Variants in EML5 observed in about 807,000 individuals in gnomAD.
EML5 encodes echinoderm microtubule-associated protein-like 5.
Under a neutral mutation model 250.0 loss-of-function variants are expected in EML5, and 120 were observed. The observed-to-expected ratio is 0.48, with a 90% CI of 0.41 to 0.56. The LOEUF is 0.56. Among genes scored for constraint, EML5 ranks in the 20% least tolerant of loss-of-function variants. The pLI is 0.00. For missense variants in EML5, 2,006 were observed against 2,437.6 expected (o/e 0.82, Z 3.73); for synonymous variants, 771 against 806.5 (o/e 0.96, Z 0.75).
At chr14:88,728,018 C>T (rs941404696) in intron 7 of EML5, among the ~76,000 whole-genome samples, 1 of 152,146 alleles carries the variant, frequency 6.6e-6, no homozygotes, top group Non-Finnish European at 1.5e-5. Flanking sequence ...TATAAAACTG[C>T]TTAAAATCAA....
chr14:88,665,520 T>A, intron 21 of EML5, 31 bp from the exon 22 acceptor site: 1 of 1,612,744 alleles, frequency 6.2e-7, no homozygotes, highest in Non-Finnish European at 8.5e-7. Context: ...TAGGCAATTT[T>A]CCCTTTTTTC....
At chr14:88,690,478 C>T (rs965651276) in intron 17 of EML5, among the ~76,000 whole-genome samples, 1 of 152,142 alleles carries the variant, frequency 6.6e-6, no homozygotes, top group Non-Finnish European at 1.5e-5. Flanking sequence ...ACTGTCTTTT[C>T]TCAACATAGA....
intron 8 of EML5, among the ~76,000 whole-genome samples, chr14:88,720,749 T>G (rs2093577176): frequency 6.6e-6 from 1 of 152,112 alleles, no homozygotes; most frequent in African/African-American, 2.4e-5. Flanking sequence ...CCACTCCTAT[T>G]TAACACAGTA....
chr14:88,661,544 CATTACAT>C (rs2092101642), intron 25 of EML5, 103 bp downstream of exon 25: 1 of 945,604 alleles, frequency 1.1e-6, no homozygotes, highest in African/African-American at 1.7e-5. Flanking sequence ...CATATTACAA[CATTACAT>C]ATTACATATG....
At chr14:88,745,545 G>A (rs1002669958) in intron 3 of EML5, among the ~76,000 whole-genome samples, 1 of 152,032 alleles carries the variant, frequency 6.6e-6, no homozygotes, top group Non-Finnish European at 1.5e-5. Flanking sequence ...ATAGTAATAC[G>A]TAATTTTAAA....
rs58701181 is a variant in EML5 at position 88,716,732 on chromosome 14, A to AACACAC, written c.1188-1543_1188-1538dup. On this transcript the variant is annotated intron_variant, in intron 8 of 43. Transcript: ENST00000554922. ...TCTGTTAACATGTCCACTGCTCACC[A>AACACAC]ACACACACACACACACACACACACA... 2.5e-3 allele frequency among the ~76,000 whole-genome samples: 371 copies of AACACAC among 148,186 alleles called. 2 individuals are homozygous for AACACAC. Among genetic ancestry groups the AACACAC allele is most frequent in the African/African-American group, 5.8e-3 (236 of 40,368 alleles).
intron 8 of EML5, among the ~76,000 whole-genome samples, chr14:88,720,931 C>T (rs990991608): frequency 1.3e-5 from 2 of 152,082 alleles, no homozygotes; most frequent in Non-Finnish European, 2.9e-5. Flanking sequence ...AGCAAAGTCT[C>T]GGGATATAAA....
intron 1 of EML5, among the ~76,000 whole-genome samples, chr14:88,779,280 G>A (rs1002919198): frequency 7.9e-5 from 12 of 152,102 alleles, no homozygotes; most frequent in Admixed American, 2.6e-4. Flanking sequence ...AAGAAAAAGC[G>A]AAACTATGAG....
chr14:88,702,555 C>A lies in EML5; in HGVS notation c.2129G>T (p.Gly710Val). ...GEIVYHVAAV[G>V]VIYNRQQNTQ... is the part of the protein sequence containing the mutation. ...GTTTTGCTGTCGATTATAAATGACACCCACTGCTGCCACATGGTACACAAT... is the reference window on the plus strand; with the variant it reads ...GTTTTGCTGTCGATTATAAATGACAACCACTGCTGCCACATGGTACACAAT... The change falls in exon 14 of 44, where the codon GGT becomes GTT. Residue 710 changes from glycine to valine, a missense_variant. Gly to Val is a moderately radical substitution (Grantham distance 109). This residue lies in a region of EML5 where 1,375 missense variants were observed against 1,590.3 expected (regional missense o/e 0.86). Coordinates refer to ENST00000554922, the MANE Select transcript of EML5 (RefSeq NM_183387.3). The A allele has an allele frequency of 6.2e-7, 1 of 1,612,910 alleles. No individual in the cohort carries two copies. Among genetic ancestry groups the A allele is most frequent in the Non-Finnish European group, 8.5e-7 (1 of 1,179,358 alleles).
At chr14:88,779,366 C>T (rs1433022181) in intron 1 of EML5, among the ~76,000 whole-genome samples, 1 of 152,158 alleles carries the variant, frequency 6.6e-6, no homozygotes, top group Non-Finnish European at 1.5e-5. Context: ...CAGATCCTGC[C>T]TTCTGCCACT....
intron 4 of EML5, among the ~76,000 whole-genome samples, chr14:88,741,032 G>A (rs2093917366): frequency 2.0e-5 from 3 of 151,904 alleles, no homozygotes; most frequent in South Asian, 2.1e-4. Context: ...GTATGGTGGC[G>A]CATGCCTGTA....
At position 88,615,743 on chromosome 14, in the gene EML5, G is replaced by T. The variant is rs2087494884; in HGVS notation, c.*75C>A. 3.5e-6 allele frequency: 5 copies of T among 1,425,138 alleles called. No homozygotes were observed. The East Asian group carries it at 1.2e-4, about 34-fold the overall frequency. 88.3% of individuals were successfully genotyped at this position (1,425,138 alleles called of 1,614,324 possible). On this transcript the variant is annotated 3_prime_UTR_variant, in exon 44 of 44. Transcript: ENST00000554922. ...TCTTGGGTTAGCACCACTTGACCATGCAGGGTTGGGTTTTGGTTTTTCTTC... is the reference window on the plus strand; with the variant it reads ...TCTTGGGTTAGCACCACTTGACCATTCAGGGTTGGGTTTTGGTTTTTCTTC...
At chr14:88,724,685 T>A (rs1366376393) in intron 8 of EML5, among the ~76,000 whole-genome samples, 1 of 152,220 alleles carries the variant, frequency 6.6e-6, no homozygotes, top group African/African-American at 2.4e-5. Context: ...ATTCCAGTAC[T>A]TCCAATACTT....
intron 32 of EML5, 64 bp from the exon 33 acceptor site, chr14:88,634,553 T>G: frequency 2.2e-6 from 2 of 928,292 alleles, no homozygotes; most frequent in Non-Finnish European, 3.1e-6. Flanking sequence ...AACCCAAATA[T>G]CATATTAATT....
intron 16 of EML5, 147 bp from the exon 17 acceptor site, chr14:88,694,554 T>A (rs2093032646): frequency 1.6e-6 from 1 of 613,716 alleles, no homozygotes; most frequent in East Asian, 2.8e-5. Context: ...TATTTGTTCT[T>A]TTGTCATCAT....
In EML5 at chr14:88,792,411, A is replaced by G; in HGVS notation, c.93T>C (p.Thr31=). The part of the protein sequence containing the change: ...GHQCRNNLYY[T]AAKEIVYFVA... The stretch of plus-strand genomic sequence containing the variant: ...CGAAGTATACGATCTCCTTGGCCGC[A>G]GTGTAGTAGAGGTTGTTGCGGCACT... The change falls in exon 1 of 44, where the codon ACT becomes ACC. Residue 31 remains threonine (T), a synonymous_variant. Transcript: ENST00000554922. The surrounding 1 kb of genome is among the most constrained non-coding windows in gnomAD (Gnocchi z 6.9). The G allele has an allele frequency of 6.4e-7, 1 of 1,559,588 alleles. No individual in the cohort carries two copies.
chr14:88,645,934 T>C (rs1404925839), intron 29 of EML5, among the ~76,000 whole-genome samples: 1 of 152,210 alleles, frequency 6.6e-6, no homozygotes, highest in African/African-American at 2.4e-5. Flanking sequence ...ATTACTTAAA[T>C]GTAGAAGCTC....
intron 19 of EML5, 80 bp downstream of exon 19, chr14:88,687,136 T>A: frequency 9.2e-7 from 1 of 1,081,724 alleles, no homozygotes; most frequent in South Asian, 1.5e-5. Context: ...ATGCCATGTG[T>A]TCCACCTCAG....
intron 41 of EML5, chr14:88,617,150 CTT>C (rs1358683137): frequency 1.6e-3 from 286 of 184,486 alleles, no homozygotes; most frequent in East Asian, 2.5e-3. Context: ...ACTATTTTTT[CTT>C]TTTTTTTTTT....
Sources: allele counts gnomAD v4.1 joint callset (sites outside exome capture counted in the v4.1 genomes callset), GRCh38; gene constraint gnomAD v4.1.1; regional missense constraint gnomAD v4.1.1; non-coding constraint Gnocchi (gnomAD v3.1); transcripts MANE v1.5; gene names NCBI Gene and HGNC (gene_info 2026-07-23, HGNC 2026-07-21).